The following ZNF184 variants were observed in gnomAD, a reference collection of about 807,000 sequenced individuals.
ZNF184 encodes the protein zinc finger protein 184, also known as zinc finger protein 184 (Kruppel-like).
In ZNF184, 16 loss-of-function variants were observed where a neutral mutation model predicts 54.4. The ratio of observed to expected loss-of-function variants is 0.29; its 90% confidence interval spans 0.20 to 0.45. The LOEUF is 0.45. Ranked by LOEUF, ZNF184 falls within the 20% of genes least tolerant of loss-of-function variation. The pLI is 1.00. For missense variants in ZNF184, 681 were observed against 888.2 expected, an observed-to-expected ratio of 0.77 and a Z score of 2.97; for synonymous variants, 254 against 295.3, an observed-to-expected ratio of 0.86 and a Z score of 1.43.
At position 27,451,273 on chromosome 6, in the gene ZNF184, TC is replaced by T; in HGVS notation, c.*29del. 6.5e-7 allele frequency: 1 copy of T among 1,535,712 alleles called. No individual in the cohort carries two copies. On this transcript the variant is annotated 3_prime_UTR_variant, in exon 6 of 6. Transcript: ENST00000683788. ...AAAAGGACAAACTAAAGTAAATATC[TC>T]CCCTAAATTTATGATGTTCCTAGAA...
chr6:27,425,189 G>A, the ZNF184 span, among the ~76,000 whole-genome samples: 2 of 152,204 alleles, frequency 1.3e-5, no homozygotes, highest in Admixed American at 1.3e-4. Context: ...GCGCAACCCT[G>A]GTTCCCGCTC....
the ZNF184 span, among the ~76,000 whole-genome samples, chr6:27,439,415 G>T: frequency 6.6e-6 from 1 of 152,226 alleles, no homozygotes; most frequent in Non-Finnish European, 1.5e-5. Context: ...GGACATGAAT[G>T]TATTTGTCCA....
chr6:27,423,269 G>C, the ZNF184 span, among the ~76,000 whole-genome samples: 1 of 152,038 alleles, frequency 6.6e-6, no homozygotes, highest in South Asian at 2.1e-4. Context: ...AGGCTAGCTG[G>C]GTGGGTAAAG....
At position 27,451,350 on chromosome 6, in the gene ZNF184, A is replaced by G. The variant is rs1206871315; in HGVS notation, c.2209T>C (p.Tyr737His). Residue 737 changes from tyrosine to histidine, a missense_variant, in exon 6 of 6, where the codon TAT (tyrosine) becomes CAT (histidine). By Grantham distance (83) the Tyr-to-His change is moderately conservative. Coordinates refer to ENST00000683788, the MANE Select transcript of ZNF184 (RefSeq NM_001318891.2). ...TGATGTTTGTTGAGAGCAGAGCGAT[A>G]TCTGAAGGATTTTCCACAATCATTA... ...GCNDCGKSFR[Y>H]RSALNKHQRL... 5 of 1,613,728 alleles carry G rather than the reference A, an allele frequency of 3.1e-6. No homozygotes were observed. The highest frequency in any genetic ancestry group is 4.2e-6 in the Non-Finnish European group (5 of 1,179,762).
chr6:27,472,265 C>G lies in ZNF184; in HGVS notation c.7+23G>C. The G allele has an allele frequency of 6.2e-7, 1 of 1,613,704 alleles. No individual in the cohort carries two copies. The highest frequency in any genetic ancestry group is 8.5e-7 in the Non-Finnish European group (1 of 1,179,722). ...GTTCTCAAGCCTCCATCACCCCGCT[C>G]TCCCCCAAGTCGACCCCACTACCTT... On this transcript the variant is annotated intron_variant, in intron 2 of 5. Transcript: ENST00000683788. The surrounding 1 kb of genome is among the most constrained non-coding windows in gnomAD (Gnocchi z 4.8).
downstream of ZNF184, among the ~76,000 whole-genome samples, chr6:27,450,562 C>T (rs146806248): frequency 6.6e-6 from 1 of 152,200 alleles, no homozygotes; most frequent in Non-Finnish European, 1.5e-5. Flanking sequence ...TTCCCAGCCT[C>T]TTCCAGCTTT....
chr6:27,445,928 T>C (rs1337099759), downstream of ZNF184, among the ~76,000 whole-genome samples: 1 of 152,136 alleles, frequency 6.6e-6, no homozygotes. Context: ...GGAAGAAATA[T>C]CTATGCAGCA....
the ZNF184 span, among the ~76,000 whole-genome samples, chr6:27,410,464 T>C: frequency 6.6e-6 from 1 of 152,234 alleles, no homozygotes; most frequent in Non-Finnish European, 1.5e-5. Context: ...TGGAATTTCA[T>C]AGCTACATGA....
chr6:27,437,994 G>A, the ZNF184 span, among the ~76,000 whole-genome samples: 1 of 152,140 alleles, frequency 6.6e-6, no homozygotes, highest in Non-Finnish European at 1.5e-5. Context: ...CCACACAACA[G>A]CAATTATAAG....
At chr6:27,446,570 C>T (rs1028626836), downstream of ZNF184, among the ~76,000 whole-genome samples, 4 of 152,188 alleles carry the variant, frequency 2.6e-5, no homozygotes, top group African/African-American at 9.7e-5. Flanking sequence ...CAGAGAGCCC[C>T]TACGACAATG....
chr6:27,413,022 A>G, the ZNF184 span, among the ~76,000 whole-genome samples: 1 of 152,242 alleles, frequency 6.6e-6, no homozygotes, highest in African/African-American at 2.4e-5. Flanking sequence ...AGATCACCTG[A>G]AGTTGGGAGT....
chr6:27,468,392 G>A (rs1763195323), intron 2 of ZNF184, among the ~76,000 whole-genome samples: 1 of 152,124 alleles, frequency 6.6e-6, no homozygotes, highest in Non-Finnish European at 1.5e-5. Flanking sequence ...ACTAATTGCT[G>A]GCAAGAATAT....
chr6:27,470,321 T>C (rs764724742), intron 2 of ZNF184, among the ~76,000 whole-genome samples: 13 of 151,470 alleles, frequency 8.6e-5, no homozygotes, highest in African/African-American at 1.7e-4. Flanking sequence ...CAGTGTGCCA[T>C]AGACAGCTTA....
chr6:27,442,881 A>AG, the ZNF184 span, among the ~76,000 whole-genome samples: 5 of 24,808 alleles, frequency 2.0e-4, no homozygotes, highest in East Asian at 1.1e-3. Context: ...AAAGAAAGAA[A>AG]AAGAAAAAAA....
chr6:27,460,166 A>G (rs775480573), intron 3 of ZNF184, among the ~76,000 whole-genome samples: 1 of 152,190 alleles, frequency 6.6e-6, no homozygotes, highest in African/African-American at 2.4e-5. Context: ...CTTTTTATGA[A>G]TAGGAAGAAC....
At chr6:27,465,969 A>G (rs1418342160) in intron 3 of ZNF184, among the ~76,000 whole-genome samples, 2 of 152,338 alleles carry the variant, frequency 1.3e-5, no homozygotes, top group East Asian at 3.9e-4. Context: ...TGAATTTGTT[A>G]CCTAACATGG....
the ZNF184 span, among the ~76,000 whole-genome samples, chr6:27,442,805 A>G: frequency 1.4e-5 from 1 of 70,706 alleles, no homozygotes; most frequent in Non-Finnish European, 3.1e-5. Flanking sequence ...AAAGAAAGAG[A>G]AAGAAAGAGA....
At chr6:27,471,979 T>C (rs933034767) in intron 2 of ZNF184, among the ~76,000 whole-genome samples, 1 of 152,248 alleles carries the variant, frequency 6.6e-6, no homozygotes, top group African/African-American at 2.4e-5. Context: ...ATTGCCAAGA[T>C]GTCTTCTGAC....
chr6:27,465,016 C>CAAAAA lies in ZNF184; in HGVS notation c.75+2832_75+2836dup, dbSNP rs61602778. On this transcript the variant is annotated intron_variant, in intron 3 of 5. Coordinates refer to ENST00000683788, the MANE Select transcript of ZNF184 (RefSeq NM_001318891.2). ...TGGGCGACAGAGCAAGACTCTGTCT[C>CAAAAA]AAAAAAAAAAAAAAAAAAAAATAGA... Among the ~76,000 whole-genome samples, 371 of 48,884 alleles carry CAAAAA rather than the reference C, an allele frequency of 7.6e-3. 50 individuals carry two copies. The highest frequency in any genetic ancestry group is 0.039 in the African/African-American group (337 of 8,692). The allele number at this position is 48,884 out of a possible 152,430, so 32.1% of individuals were successfully genotyped here. A position where few individuals can be genotyped will look rare whatever the true frequency, so the allele number is the denominator to read the frequency against.
Sources: allele counts gnomAD v4.1 joint callset (sites outside exome capture counted in the v4.1 genomes callset), GRCh38; gene constraint gnomAD v4.1.1; non-coding constraint Gnocchi (gnomAD v3.1); transcripts MANE v1.5; gene names NCBI Gene and HGNC (gene_info 2026-07-23, HGNC 2026-07-21).